Variants in SLC10A6 observed in about 807,000 individuals in gnomAD.
The protein encoded by SLC10A6 is solute carrier family 10 member 6.
Under a neutral mutation model 30.0 loss-of-function variants are expected in SLC10A6, and 27 were observed. That is an observed-to-expected ratio of 0.90 (90% CI 0.66 to 1.24). The LOEUF (loss-of-function observed/expected upper bound fraction) is 1.24, where lower values mean the gene tolerates loss of function less well. SLC10A6 is among the 50% of genes most tolerant of loss of function. SLC10A6 has a pLI of 0.00. For missense variants in SLC10A6, 439 were observed against 457.0 expected (o/e 0.96, Z 0.36); for synonymous variants, 166 against 173.8 (o/e 0.95, Z 0.36).
intron 1 of SLC10A6, among the ~76,000 whole-genome samples, chr4:86,834,412 G>T (rs1003029094): frequency 9.9e-5 from 15 of 152,102 alleles, no homozygotes; most frequent in African/African-American, 3.1e-4. Flanking sequence ...CAACTCACAT[G>T]GGCTAAGACA....
At chr4:86,832,602 AC>A (rs1410038682) in intron 2 of SLC10A6, among the ~76,000 whole-genome samples, 15 of 151,548 alleles carry the variant, frequency 9.9e-5, no homozygotes, top group African/African-American at 3.6e-4. Flanking sequence ...AAAAAAAAAA[AC>A]AAAAAAACAT....
chr4:86,827,901 T>C, intron 4 of SLC10A6, 92 bp downstream of exon 4: 2 of 1,242,004 alleles, frequency 1.6e-6, no homozygotes, highest in Non-Finnish European at 2.2e-6. Context: ...GTCAAAACTC[T>C]TCATGTCTCC....
At chr4:86,844,263 CAGTA>C (rs1375272146) in intron 1 of SLC10A6, among the ~76,000 whole-genome samples, 1 of 152,182 alleles carries the variant, frequency 6.6e-6, no homozygotes, top group Non-Finnish European at 1.5e-5. Flanking sequence ...ATGATCCAGT[CAGTA>C]AGTGATGGGT....
At chr4:86,842,057 T>C (rs1746301313) in intron 1 of SLC10A6, among the ~76,000 whole-genome samples, 2 of 152,240 alleles carry the variant, frequency 1.3e-5, no homozygotes, top group Non-Finnish European at 2.9e-5. Context: ...AGTATTATTT[T>C]CATTGTATAG....
chr4:86,824,151 A>G (rs1246205017), intron 5 of SLC10A6, among the ~76,000 whole-genome samples: 6 of 151,986 alleles, frequency 3.9e-5, no homozygotes, highest in Non-Finnish European at 8.8e-5. Flanking sequence ...CAGCTTACAC[A>G]CTCATATATT....
rs778719128 is a variant in SLC10A6, at chr4:86,849,036, T to G, written c.80A>C (p.His27Pro). Residue 27 changes from histidine (H) to proline (P), a missense_variant, in exon 1 of 6, where the codon CAT becomes CCT. His to Pro is a moderately conservative substitution (Grantham distance 77, BLOSUM62 -2). Transcript: ENST00000273905. ...TGTGAAAACGAGCTCCAGGTTTCCATGCACCTCCAGTCCCACTGGCAGCTC... is the reference window on the plus strand; with the variant it reads ...TGTGAAAACGAGCTCCAGGTTTCCAGGCACCTCCAGTCCCACTGGCAGCTC... ...EEELPVGLEV[H>P]GNLELVFTVV... 1 of 1,614,170 alleles carries G rather than the reference T, an allele frequency of 6.2e-7. No homozygotes were observed. Among genetic ancestry groups the G allele is most frequent in the Middle Eastern group, 1.6e-4 (1 of 6,062 alleles).
At chr4:86,844,314 G>A (rs935886869) in intron 1 of SLC10A6, among the ~76,000 whole-genome samples, 34 of 152,258 alleles carry the variant, frequency 2.2e-4, no homozygotes, top group Admixed American at 1.9e-3. Context: ...CTACTACACC[G>A]TACTGCCAGA....
At chr4:86,832,615 G>A (rs1221624364) in intron 2 of SLC10A6, among the ~76,000 whole-genome samples, 1 of 151,414 alleles carries the variant, frequency 6.6e-6, no homozygotes. Context: ...AAAAAACATA[G>A]TGCCTATCAC....
At position 86,823,702 on chromosome 4, in the gene SLC10A6, T is replaced by G. The variant is rs1406848114; in HGVS notation, c.1120A>C (p.Thr374Pro). 6.2e-7 allele frequency: 1 copy of G among 1,608,360 alleles called. No homozygotes were observed. The highest frequency in any genetic ancestry group is 8.5e-7 in the Non-Finnish European group (1 of 1,177,626). Residue 374 changes from threonine (T) to proline (P), a missense_variant, in exon 6 of 6, where the codon ACT (threonine) becomes CCT (proline). Thr to Pro is a conservative substitution (Grantham distance 38). Transcript: ENST00000273905. ...GCTAGTCCCTGCTATTCACATGAAG[T>G]GATGTGGCCAACTGGCTCGAGAGCC... ...HRALEPVGHI[T>P]SCE
intron 1 of SLC10A6, among the ~76,000 whole-genome samples, chr4:86,839,432 C>A (rs1746253940): frequency 6.6e-6 from 1 of 152,130 alleles, no homozygotes; most frequent in Non-Finnish European, 1.5e-5. Flanking sequence ...GCTTTGGGGA[C>A]AGAAGGAGGC....
Position 86,849,077 on chromosome 4 carries a change from G to T in SLC10A6, c.39C>A (p.Ala13=). The T allele has an allele frequency of 6.2e-7, 1 of 1,614,026 alleles. No individual in the cohort carries two copies. Among genetic ancestry groups the T allele is most frequent in the Non-Finnish European group, 8.5e-7 (1 of 1,179,982 alleles). ...ANCSSSSACP[A]NSSEEELPVG... is the part of the protein sequence containing the mutation. ...CTGGCAGCTCCTCCTCTGAACTGTTGGCAGGGCAGGCTGAGCTGCTGGAAC... is the reference window on the plus strand; with the variant it reads ...CTGGCAGCTCCTCCTCTGAACTGTTTGCAGGGCAGGCTGAGCTGCTGGAAC... Residue 13 remains alanine (A), a synonymous_variant, in exon 1 of 6, where the codon GCC becomes GCA. Coordinates refer to ENST00000273905, the MANE Select transcript of SLC10A6 (RefSeq NM_197965.3).
chr4:86,837,223 GAGAGAAAGAAAGAA>G (rs756432710), intron 1 of SLC10A6, among the ~76,000 whole-genome samples: 4 of 114,622 alleles, frequency 3.5e-5, no homozygotes, highest in Admixed American at 9.5e-5. Context: ...GAGAGAGAGA[GAGAGAAAGAAAGAA>G]AGAAAGAAAG....
chr4:86,846,111 G>A (rs953568488), intron 1 of SLC10A6, among the ~76,000 whole-genome samples: 2 of 152,184 alleles, frequency 1.3e-5, no homozygotes, highest in African/African-American at 4.8e-5. Context: ...ACGATCCACT[G>A]AGTTTTGCTT....
At chr4:86,841,322 G>A (rs1475837337) in intron 1 of SLC10A6, among the ~76,000 whole-genome samples, 1 of 152,216 alleles carries the variant, frequency 6.6e-6, no homozygotes, top group Non-Finnish European at 1.5e-5. Context: ...AGGATGGCAA[G>A]AGGTTATCCT....
chr4:86,844,085 G>A (rs559105146), intron 1 of SLC10A6, among the ~76,000 whole-genome samples: 4 of 152,276 alleles, frequency 2.6e-5, no homozygotes, highest in African/African-American at 9.6e-5. Context: ...GGCTGAGGCA[G>A]GAGAATGGTG....
At chr4:86,829,157 TC>T (rs1746041284) in intron 3 of SLC10A6, among the ~76,000 whole-genome samples, 1 of 152,162 alleles carries the variant, frequency 6.6e-6, no homozygotes, top group Non-Finnish European at 1.5e-5. Context: ...ATGTCTGTAA[TC>T]CCAGAACTTT....
intron 1 of SLC10A6, among the ~76,000 whole-genome samples, chr4:86,837,263 G>GAA (rs1746205891): frequency 1.7e-5 from 2 of 120,526 alleles, no homozygotes; most frequent in African/African-American, 7.2e-5. Flanking sequence ...AAGAAAGAAA[G>GAA]AAAGAAAGAA....
intron 5 of SLC10A6, 33 bp from the exon 6 acceptor site, chr4:86,823,935 A>T (rs749022862): frequency 1.3e-6 from 2 of 1,549,178 alleles, no homozygotes; most frequent in South Asian, 1.3e-5. Flanking sequence ...ATTAACAATC[A>T]CTTTAACAAA....
In SLC10A6 at chr4:86,837,214, A is replaced by G. The variant is rs1351449069; in HGVS notation, c.378-3790T>C. 5.9e-4 allele frequency among the ~76,000 whole-genome samples: 68 copies of G among 115,848 alleles called. 2 individuals carry two copies. The highest frequency in any genetic ancestry group is 2.9e-3 in the African/African-American group (64 of 22,398). 76.0% of individuals were successfully genotyped at this position (115,848 alleles called of 152,430 possible). A position where few individuals can be genotyped will look rare whatever the true frequency, so the allele number is the denominator to read the frequency against. On this transcript the variant is annotated intron_variant, in intron 1 of 5. Coordinates refer to ENST00000273905, the MANE Select transcript of SLC10A6 (RefSeq NM_197965.3). ...CCATGGTGCATGTAGAGAGAGAGAG[A>G]GAGAGAGAGAGAGAAAGAAAGAAAG...
Sources: allele counts gnomAD v4.1 joint callset (sites outside exome capture counted in the v4.1 genomes callset), GRCh38; gene constraint gnomAD v4.1.1; transcripts MANE v1.5; gene names NCBI Gene and HGNC (gene_info 2026-07-23, HGNC 2026-07-21).